Variants in SMARCC2 observed in about 807,000 individuals in gnomAD.
SMARCC2 encodes SWI/SNF complex subunit SMARCC2.
A neutral mutation model predicts 151.3 loss-of-function variants in SMARCC2; 15 were observed. The ratio of observed to expected loss-of-function variants is 0.10; its 90% confidence interval spans 0.07 to 0.15. SMARCC2 has a LOEUF of 0.15. SMARCC2 is among the 10% of genes least tolerant of loss of function. SMARCC2 has a pLI of 1.00. For missense variants in SMARCC2, 1,031 were observed against 1,599.7 expected (o/e 0.64, Z 6.06); for synonymous variants, 590 against 609.5 (o/e 0.97, Z 0.47).
At chr12:56,185,170 G>A in intron 3 of SMARCC2, 59 bp from the exon 4 acceptor site, 1 of 1,390,334 alleles carries the variant, frequency 7.2e-7, no homozygotes, top group South Asian at 1.2e-5. Context: ...ATGAGGTGAG[G>A]GCACGTGACT....
chr12:56,171,316 T>C lies in SMARCC2; in HGVS notation c.2302A>G (p.Ser768Gly). 1 of 1,614,216 alleles carries C rather than the reference T, an allele frequency of 6.2e-7. No individual in the cohort carries two copies. The highest frequency in any genetic ancestry group is 8.5e-7 in the Non-Finnish European group (1 of 1,180,028). Residue 768 changes from serine to glycine, a missense_variant, in exon 22 of 29, where the codon AGC becomes GGC. By Grantham distance (56) the Ser-to-Gly change is moderately conservative (BLOSUM62 0). Transcript: ENST00000550164. This position sits in a 1 kb window ranked among gnomAD's most constrained non-coding sequence, Gnocchi z 4.2. ...GKADPAFGLE[S>G]SGIAGTTSDE... ...GAGGTGGTTCCTGCAATGCCACTGC[T>C]TTCCAGACCGAAGGCAGGGTCCGCC...
chr12:56,184,671 G>A, intron 5 of SMARCC2, 173 bp downstream of exon 5: 1 of 597,550 alleles, frequency 1.7e-6, no homozygotes, highest in Non-Finnish European at 3.0e-6. Flanking sequence ...CTGAAAAATG[G>A]GAGAAGCAGA....
intron 26 of SMARCC2, 60 bp downstream of exon 26, chr12:56,167,996 ACACG>A (rs1332801141): frequency 1.8e-5 from 25 of 1,365,052 alleles, no homozygotes; most frequent in African/African-American, 5.2e-5. Context: ...ACACACACAC[ACACG>A]CCCCTCCGAT....
chr12:56,171,850 G>A lies in SMARCC2; in HGVS notation c.2014C>T (p.Arg672Cys). ...TQDECILHFL[R>C]LPIEDPYLED... ...AGGTATGGGTCTTCAATGGGAAGAC[G>A]AAGAAAATGCAAGATGCACTCGTCC... Residue 672 changes from arginine (R) to cysteine (C), a missense_variant, in exon 21 of 29, where the codon CGT (arginine) becomes TGT (cysteine). This residue lies in a region of SMARCC2 where 51 missense variants were observed against 137.9 expected (regional missense o/e 0.37). Coordinates refer to ENST00000550164, the MANE Select transcript of SMARCC2 (RefSeq NM_001330288.2). The surrounding 1 kb of genome is among the most constrained non-coding windows in gnomAD (Gnocchi z 4.2). 1 of 1,614,060 alleles carries A rather than the reference G, an allele frequency of 6.2e-7. No homozygotes were observed. Among genetic ancestry groups the A allele is most frequent in the Non-Finnish European group, 8.5e-7 (1 of 1,179,914 alleles).
At chr12:56,169,081 G>A (rs560792235) in intron 25 of SMARCC2, among the ~76,000 whole-genome samples, 1 of 151,954 alleles carries the variant, frequency 6.6e-6, no homozygotes, top group Non-Finnish European at 1.5e-5. Flanking sequence ...ATCACCTGAG[G>A]TTAGGAGTTC....
At chr12:56,168,280 G>A in intron 25 of SMARCC2, 86 bp from the exon 26 acceptor site, 3 of 1,502,694 alleles carry the variant, frequency 2.0e-6, no homozygotes, top group Admixed American at 1.8e-5. Flanking sequence ...ATGCTGGCAG[G>A]TATAAGAACA....
chr12:56,178,363 A>G, intron 14 of SMARCC2, 41 bp downstream of exon 14: 1 of 1,611,630 alleles, frequency 6.2e-7, no homozygotes, highest in Non-Finnish European at 8.5e-7. Context: ...CCCTGGAGGC[A>G]GGGAAATAAG....
intron 2 of SMARCC2, 50 bp from the exon 3 acceptor site, chr12:56,186,290 C>G: frequency 9.4e-7 from 1 of 1,066,120 alleles, no homozygotes; most frequent in Non-Finnish European, 1.5e-6. Flanking sequence ...ACTGTAAATT[C>G]TCTCATCACT....
Position 56,162,470 on chromosome 12 carries a change from G to C in SMARCC2, c.*1219C>G, listed in dbSNP as rs1872004745. ...AAAGGTGCTAAGACGCAGAGGGAGAGAAACATGGGGACATGAGGAACAAAG... is the reference window on the plus strand; with the variant it reads ...AAAGGTGCTAAGACGCAGAGGGAGACAAACATGGGGACATGAGGAACAAAG... On this transcript the variant is annotated 3_prime_UTR_variant, in exon 29 of 29. Coordinates refer to ENST00000550164, the MANE Select transcript of SMARCC2 (RefSeq NM_001330288.2). The C allele has an allele frequency of 5.2e-6, 3 of 581,652 alleles. No homozygotes were observed. The East Asian group carries it at 8.5e-5, about 16-fold the overall frequency. 36.0% of individuals were successfully genotyped at this position (581,652 alleles called of 1,614,324 possible). A position where few individuals can be genotyped will look rare whatever the true frequency, so the allele number is the denominator to read the frequency against.
intron 1 of SMARCC2, among the ~76,000 whole-genome samples, chr12:56,187,986 C>G (rs550691103): frequency 2.6e-5 from 4 of 152,334 alleles, no homozygotes; most frequent in Non-Finnish European, 5.9e-5. Flanking sequence ...CTAGTAGCAT[C>G]CTAGCCTTCC....
chr12:56,173,692 C>G lies in SMARCC2; in HGVS notation c.1650+4G>C, dbSNP rs557948225. Reference sequence around the variant, plus strand: ...CGCCCCATCCCCATAGCACCTCACCCTACCTGAGGTGTCTTGGGCTGCAGA... The same window carrying G: ...CGCCCCATCCCCATAGCACCTCACCGTACCTGAGGTGTCTTGGGCTGCAGA... On this transcript the variant is annotated splice_donor_region_variant and intron_variant, in intron 17 of 28. Coordinates refer to ENST00000550164, the MANE Select transcript of SMARCC2 (RefSeq NM_001330288.2). 2 of 1,610,714 alleles carry G rather than the reference C, an allele frequency of 1.2e-6. No individual in the cohort carries two copies. The highest frequency in any genetic ancestry group is 1.7e-6 in the Non-Finnish European group (2 of 1,177,996).
Position 56,171,592 on chromosome 12 carries a change from G to A in SMARCC2, c.2185+87C>T, listed in dbSNP as rs1873966381. ...CCGCACAGACAAGGCCAGCAGGGCA[G>A]CCAAACTTGAGAGGATTCACAGTCT... On this transcript the variant is annotated intron_variant, in intron 21 of 28. Transcript: ENST00000550164. The surrounding 1 kb of genome is among the most constrained non-coding windows in gnomAD (Gnocchi z 4.2). 6 of 1,502,998 alleles carry A rather than the reference G, an allele frequency of 4.0e-6. No homozygotes were observed. Among genetic ancestry groups the A allele is most frequent in the South Asian group, 2.6e-5 (2 of 76,020 alleles). The allele number at this position is 1,502,998 out of a possible 1,614,324, so 93.1% of individuals were successfully genotyped here.
In SMARCC2 at chr12:56,179,007, C is replaced by G. The variant is rs2135720438; in HGVS notation, c.1131G>C (p.Met377Ile). ...SESAPVKGGT[M>I]TDLDEQEDES... ...AGGCTCCTGTCTTACCCAGGTCGGTCATGGTGCCGCCTTTGACTGGGGCCG... is the reference window on the plus strand; with the variant it reads ...AGGCTCCTGTCTTACCCAGGTCGGTGATGGTGCCGCCTTTGACTGGGGCCG... The change falls in exon 12 of 29, where the codon ATG becomes ATC. Residue 377 changes from methionine (M) to isoleucine (I), a missense_variant. Coordinates refer to ENST00000550164, the MANE Select transcript of SMARCC2 (RefSeq NM_001330288.2). 1 of 1,614,134 alleles carries G rather than the reference C, an allele frequency of 6.2e-7. No individual in the cohort carries two copies. The highest frequency in any genetic ancestry group is 2.2e-5 in the East Asian group (1 of 44,876).
At chr12:56,168,033 C>T (rs770641434) in intron 26 of SMARCC2, 27 bp downstream of exon 26, 20 of 1,611,546 alleles carry the variant, frequency 1.2e-5, no homozygotes, top group African/African-American at 1.2e-4. Flanking sequence ...CACAGCGCAG[C>T]AGGGTTCCAG....
At position 56,171,572 on chromosome 12, in the gene SMARCC2, C is replaced by A; in HGVS notation, c.2185+107G>T. On this transcript the variant is annotated intron_variant, in intron 21 of 28. Coordinates refer to ENST00000550164, the MANE Select transcript of SMARCC2 (RefSeq NM_001330288.2). The surrounding 1 kb of genome is among the most constrained non-coding windows in gnomAD (Gnocchi z 4.2). ...ACAGGTGCCTGAGCTGAGGCCCGCA[C>A]AGACAAGGCCAGCAGGGCAGCCAAA... is the stretch of plus-strand genomic sequence containing the variant. 1 of 1,485,488 alleles carries A rather than the reference C, an allele frequency of 6.7e-7. No individual in the cohort carries two copies. Among genetic ancestry groups the A allele is most frequent in the Non-Finnish European group, 9.1e-7 (1 of 1,097,542 alleles). The allele number at this position is 1,485,488 out of a possible 1,614,324, so 92.0% of individuals were successfully genotyped here. A position where few individuals can be genotyped will look rare whatever the true frequency, so the allele number is the denominator to read the frequency against.
At chr12:56,164,884 G>A (rs1872503035) in intron 27 of SMARCC2, among the ~76,000 whole-genome samples, 153 bp from the exon 28 acceptor site, 1 of 152,114 alleles carries the variant, frequency 6.6e-6, no homozygotes, top group Non-Finnish European at 1.5e-5. Context: ...CGCCTCCCGG[G>A]TTTAAGCAAT....
At chr12:56,166,696 C>T (rs1193824338) in intron 26 of SMARCC2, among the ~76,000 whole-genome samples, 23 of 151,618 alleles carry the variant, frequency 1.5e-4, no homozygotes, top group Admixed American at 1.5e-3. Context: ...CTCAAACGAT[C>T]CTCCCACCTC....
chr12:56,188,892 TC>T (rs1258993685), intron 1 of SMARCC2, among the ~76,000 whole-genome samples: 1 of 152,026 alleles, frequency 6.6e-6, no homozygotes, highest in Non-Finnish European at 1.5e-5. Flanking sequence ...CCTCCTGCTT[TC>T]CATTCTCTCT....
chr12:56,174,378 T>G (rs1874535244), intron 16 of SMARCC2, among the ~76,000 whole-genome samples: 1 of 152,156 alleles, frequency 6.6e-6, no homozygotes, highest in Non-Finnish European at 1.5e-5. Context: ...TCCCAAAATG[T>G]TTGGATTATA....
Sources: allele counts gnomAD v4.1 joint callset (sites outside exome capture counted in the v4.1 genomes callset), GRCh38; gene constraint gnomAD v4.1.1; regional missense constraint gnomAD v4.1.1; non-coding constraint Gnocchi (gnomAD v3.1); transcripts MANE v1.5; gene names NCBI Gene and HGNC (gene_info 2026-07-23, HGNC 2026-07-21).